The following NIN variants were observed in gnomAD, a reference collection of about 807,000 sequenced individuals.
NIN encodes glycogen synthase kinase 3 beta-interacting protein.
Under a neutral mutation model 257.6 loss-of-function variants are expected in NIN, and 137 were observed. The ratio of observed to expected loss-of-function variants is 0.53; its 90% CI spans 0.46 to 0.61. NIN has a LOEUF of 0.61. Ranked by LOEUF, NIN falls within the 20% of genes least tolerant of loss-of-function variation. The pLI, the probability that NIN is intolerant of heterozygous loss-of-function variation, is 0.00. For synonymous variants in NIN, 918 were observed against 919.8 expected (o/e 1.00, Z 0.04); for missense variants, 2,439 against 2,501.2 (o/e 0.98, Z 0.53).
intron 26 of NIN, among the ~76,000 whole-genome samples, chr14:50,739,009 G>C (rs776446192): frequency 6.6e-6 from 1 of 152,062 alleles, no homozygotes; most frequent in African/African-American, 2.4e-5. Context: ...ACTAGTCTTG[G>C]TGGCCAGCCA....
At chr14:50,768,095 A>G (rs2042581460) in intron 12 of NIN, among the ~76,000 whole-genome samples, 1 of 140,418 alleles carries the variant, frequency 7.1e-6, no homozygotes, top group Non-Finnish European at 1.6e-5. Context: ...ACACACACAC[A>G]CACAGACGTG....
rs1595777668 is a variant in NIN at position 50,754,754 on chromosome 14, T to C, written c.4652A>G (p.Gln1551Arg). The C allele has an allele frequency of 1.3e-6, 2 of 1,586,206 alleles. No homozygotes were observed. The highest frequency in any genetic ancestry group is 1.4e-5 in the African/African-American group (1 of 73,984). The change falls in exon 19 of 31, where the codon CAG becomes CGG. Residue 1551 changes from glutamine (Q) to arginine (R), a missense_variant. Gln to Arg is a conservative substitution (Grantham distance 43, BLOSUM62 1). This residue lies in a region of NIN where 2,043 missense variants were observed against 2,050.2 expected (regional missense o/e 1.00). Coordinates refer to ENST00000530997, the MANE Select transcript of NIN (RefSeq NM_020921.4). Reference sequence around the variant, plus strand: ...GTATACGTCTTACCACATTTCTTCCTGAGATCCATTTAATGTCCCTAATTT... The same window carrying C: ...GTATACGTCTTACCACATTTCTTCCCGAGATCCATTTAATGTCCCTAATTT... ...NLKLGTLNGS[Q>R]EEMWQKTETV...
chr14:50,754,767 A>C lies in NIN; in HGVS notation c.4639T>G (p.Leu1547Val), dbSNP rs770920675. The C allele has an allele frequency of 6.3e-7, 1 of 1,583,766 alleles. No individual in the cohort carries two copies. Among genetic ancestry groups the C allele is most frequent in the South Asian group, 1.2e-5 (1 of 86,790 alleles). Reference sequence around the variant, plus strand: ...CACATTTCTTCCTGAGATCCATTTAATGTCCCTAATTTCAGGTTAGAAATG... The same window carrying C: ...CACATTTCTTCCTGAGATCCATTTACTGTCCCTAATTTCAGGTTAGAAATG... ...DSISNLKLGT[L>V]NGSQEEMWQK... The change falls in exon 19 of 31, where the codon TTA (leucine) becomes GTA (valine). Residue 1547 changes from leucine (L) to valine (V), a missense_variant. Leu to Val is a conservative substitution (Grantham distance 32, BLOSUM62 1). Transcript: ENST00000530997.
chr14:50,818,814 G>A (rs1455149732), intron 3 of NIN, among the ~76,000 whole-genome samples: 1 of 151,340 alleles, frequency 6.6e-6, no homozygotes, highest in Non-Finnish European at 1.5e-5. Flanking sequence ...TAATTTGGGG[G>A]AAAATGACCT....
intron 22 of NIN, among the ~76,000 whole-genome samples, chr14:50,745,459 CT>C (rs1206413269): frequency 5.3e-5 from 8 of 152,178 alleles, no homozygotes; most frequent in Non-Finnish European, 1.0e-4. Flanking sequence ...CTCTATTTCA[CT>C]TGACTCTTCA....
intron 14 of NIN, among the ~76,000 whole-genome samples, chr14:50,764,729 A>C (rs1372126410): frequency 2.6e-5 from 4 of 152,134 alleles, no homozygotes; most frequent in African/African-American, 4.8e-5. Context: ...CTAATATTGT[A>C]AGATTCCATT....
rs547620476 is a variant in NIN, at chr14:50,827,063, G to A, written c.-22+3401C>T. Among the ~76,000 whole-genome samples the A allele has an allele frequency of 1.4e-4, 22 of 152,268 alleles. No individual in the cohort carries two copies. In the South Asian group the frequency reaches 3.7e-3, roughly 26 times the overall value. On this transcript the variant is annotated intron_variant, in intron 2 of 30. Coordinates refer to ENST00000530997, the MANE Select transcript of NIN (RefSeq NM_020921.4). ...TTTAGCTTTCACCATTTGGCAAGTC[G>A]GAGCCTAATAACGCCAATGATCAAA...
chr14:50,767,631 C>A (rs910427309), intron 12 of NIN, among the ~76,000 whole-genome samples: 2 of 152,154 alleles, frequency 1.3e-5, no homozygotes, highest in East Asian at 3.9e-4. Context: ...TCCTGGCGAA[C>A]ACGGTGAAAC....
chr14:50,746,864 CT>C (rs2041568815), intron 22 of NIN, among the ~76,000 whole-genome samples: 1 of 151,832 alleles, frequency 6.6e-6, no homozygotes, highest in Admixed American at 6.6e-5. Context: ...TTTTTTCTTT[CT>C]TTCTTTTTTG....
At chr14:50,750,992 C>T (rs967189949) in intron 21 of NIN, among the ~76,000 whole-genome samples, 2 of 152,142 alleles carry the variant, frequency 1.3e-5, no homozygotes, top group Non-Finnish European at 2.9e-5. Context: ...ATATCCCTTT[C>T]TTACACACAC....
At position 50,763,711 on chromosome 14, in the gene NIN, TTC is replaced by T. The variant is rs1359897527; in HGVS notation, c.1774+113_1774+114del. On this transcript the variant is annotated intron_variant, in intron 15 of 30. Transcript: ENST00000530997. ...AGCTCAAGAAAAGAGTATGGCCAAA[TTC>T]TTTTTTTTTTTTTTCTTTTTTCAAG... 4.6e-4 allele frequency: 207 copies of T among 451,130 alleles called. 3 individuals carry two copies. The highest frequency in any genetic ancestry group is 6.3e-4 in the Non-Finnish European group (181 of 287,764). The allele number at this position is 451,130 out of a possible 1,614,324, so 27.9% of individuals were successfully genotyped here. A position where few individuals can be genotyped will look rare whatever the true frequency, so the allele number is the denominator to read the frequency against.
In NIN at chr14:50,760,201, C is replaced by T. The variant is rs1192536002; in HGVS notation, c.2055G>A (p.Val685=). 6.2e-7 allele frequency: 1 copy of T among 1,613,982 alleles called. No homozygotes were observed. Among genetic ancestry groups the T allele is most frequent in the East Asian group, 2.2e-5 (1 of 44,864 alleles). The change falls in exon 17 of 31, where the codon GTG becomes GTA. Residue 685 remains valine, a synonymous_variant. Transcript: ENST00000530997. ...EIAELQGQAA[V]LKEAHHEATC... is the part of the protein sequence containing the mutation. The stretch of plus-strand genomic sequence containing the variant: ...TGGCCTCATGATGTGCCTCCTTGAG[C>T]ACTGCTGCTTGCCCCTGAAGTTCAG...
At chr14:50,785,756 C>A (rs1310338776) in intron 5 of NIN, among the ~76,000 whole-genome samples, 2 of 152,176 alleles carry the variant, frequency 1.3e-5, no homozygotes. Context: ...GTGCTCTGAG[C>A]TGGGTAGTGG....
At chr14:50,744,869 G>A (rs1020090488) in intron 22 of NIN, among the ~76,000 whole-genome samples, 7 of 152,160 alleles carry the variant, frequency 4.6e-5, no homozygotes, top group Non-Finnish European at 8.8e-5. Flanking sequence ...GGGAGGCAGA[G>A]GCTGCAGTGA....
chr14:50,807,046 A>G (rs539138409), intron 3 of NIN, among the ~76,000 whole-genome samples: 9 of 152,354 alleles, frequency 5.9e-5, no homozygotes, highest in Admixed American at 2.0e-4. Context: ...CCCCAAAGGA[A>G]AAAAGCTATA....
intron 1 of NIN, chr14:50,830,786 C>G (rs1363718639): frequency 1.3e-5 from 2 of 150,002 alleles, no homozygotes; most frequent in Admixed American, 6.6e-5. Context: ...GCCTCCGAAG[C>G]AGCCCCGTCC....
rs544677854 is a variant in NIN at position 50,760,393 on chromosome 14, C to T, written c.1897-34G>A. 4.0e-6 allele frequency: 6 copies of T among 1,495,252 alleles called. No individual in the cohort carries two copies. The African/African-American group carries it at 5.6e-5, about 14-fold the overall frequency. The allele number at this position is 1,495,252 out of a possible 1,614,324, so 92.6% of individuals were successfully genotyped here. Reference sequence around the variant, plus strand: ...ACAGAGTGACACCACCACAAGATTACTCAGCTCAAGGTCACTGAAAGTGAA... The same window carrying T: ...ACAGAGTGACACCACCACAAGATTATTCAGCTCAAGGTCACTGAAAGTGAA... On this transcript the variant is annotated intron_variant, in intron 16 of 30. Transcript: ENST00000530997.
At chr14:50,778,369 T>C (rs540180814) in intron 6 of NIN, among the ~76,000 whole-genome samples, 1 of 152,196 alleles carries the variant, frequency 6.6e-6, no homozygotes, top group Non-Finnish European at 1.5e-5. Flanking sequence ...GGGTATGCCA[T>C]GTTGCCCAGG....
intron 3 of NIN, among the ~76,000 whole-genome samples, chr14:50,821,055 C>T (rs1595943157): frequency 6.6e-6 from 1 of 152,216 alleles, no homozygotes; most frequent in East Asian, 1.9e-4. Flanking sequence ...AAAGTGTTGT[C>T]CATCTTTTTC....
Sources: gnomAD v4.1 joint callset for allele counts (sites outside exome capture counted in the v4.1 genomes callset) on GRCh38, gnomAD v4.1.1 for gene constraint, gnomAD v4.1.1 regional missense constraint, MANE v1.5 for transcripts, NCBI Gene and HGNC (gene_info 2026-07-23, HGNC 2026-07-21) for gene names.